The following MAU2 variants were observed in gnomAD, a reference collection of about 807,000 sequenced individuals.
MAU2 encodes the protein MAU2 chromatid cohesion factor homolog.
MAU2 carries 9 observed loss-of-function variants against 89.1 expected under a neutral mutation model. The ratio of observed to expected loss-of-function variants is 0.10; its 90% confidence interval spans 0.06 to 0.18. The LOEUF is 0.18. Ranked by LOEUF, MAU2 falls within the 10% of genes least tolerant of loss-of-function variation. The probability of loss-of-function intolerance (pLI) is 1.00; values close to 1 mark genes in which losing one functional copy is unlikely to be tolerated. For synonymous variants in MAU2, 357 were observed against 343.4 expected (o/e 1.04, Z -0.44); for missense variants, 425 against 803.5 (o/e 0.53, Z 5.69).
Position 19,355,380 on chromosome 19 carries a change from A to C in MAU2, c.1756A>C (p.Asn586His). 6.2e-7 allele frequency: 1 copy of C among 1,613,942 alleles called. No homozygotes were observed. The highest frequency in any genetic ancestry group is 8.5e-7 in the Non-Finnish European group (1 of 1,179,950). The change falls in exon 18 of 19, where the codon AAC (asparagine) becomes CAC (histidine). Residue 586 changes from asparagine (N) to histidine (H), a missense_variant. Physicochemically the swap from Asn to His is moderately conservative, Grantham distance 68. This residue lies in a region of MAU2 where 42 missense variants were observed against 42.4 expected (regional missense o/e 0.99). Transcript: ENST00000262815. The stretch of plus-strand genomic sequence containing the variant: ...TGAGGCCTGCAGCCTCCCCGAACAC[A>C]ACCTCATCACGGTACGGGTGTGGGT... ...HIEACSLPEHNLITWTDGPPP... is the reference protein window; with the variant it reads ...HIEACSLPEHHLITWTDGPPP...
chr19:19,326,093 C>T lies in MAU2; in HGVS notation c.276+4958C>T, dbSNP rs959549241. Among the ~76,000 whole-genome samples, 5 of 151,198 alleles carry T rather than the reference C, an allele frequency of 3.3e-5. No homozygotes were observed. The South Asian group carries it at 6.3e-4, about 19-fold the overall frequency. On this transcript the variant is annotated intron_variant, in intron 1 of 18. Transcript: ENST00000262815. ...TCAAATCATTGTAACCTCCGCCCTCCGGGTTCAAGCGATCCTCCCACCTCA... is the reference window on the plus strand; with the variant it reads ...TCAAATCATTGTAACCTCCGCCCTCTGGGTTCAAGCGATCCTCCCACCTCA...
chr19:19,348,693 G>A (rs1361836957), intron 13 of MAU2, 196 bp from the exon 14 acceptor site: 7 of 676,968 alleles, frequency 1.0e-5, no homozygotes, highest in Non-Finnish European at 1.6e-5. Context: ...GCACAGGCAG[G>A]GCTGGCTGAG....
rs758772268 is a variant in MAU2 at position 19,344,878 on chromosome 19, G to T, written c.1107G>T (p.Gln369His). Residue 369 changes from glutamine (Q) to histidine (H), a missense_variant, in exon 11 of 19, where the codon CAG becomes CAT. This residue lies in a region of MAU2 where 39 missense variants were observed against 56.3 expected (regional missense o/e 0.69). Transcript: ENST00000262815. ...CCCAGGTCTGCCAGCTGTGCCAGCA[G>T]TCCCCCCGGCTCTTCTCCAACCATG... ...EISQVCQLCQ[Q>H]SPRLFSNHAA... 1 of 1,613,770 alleles carries T rather than the reference G, an allele frequency of 6.2e-7. No homozygotes were observed. Among genetic ancestry groups the T allele is most frequent in the Middle Eastern group, 1.6e-4 (1 of 6,062 alleles).
At chr19:19,353,720 GC>G (rs2037422270) in intron 16 of MAU2, 2 of 157,600 alleles carry the variant, frequency 1.3e-5, no homozygotes. Flanking sequence ...TGTAGCACAG[GC>G]TCCTGTCTGC....
At chr19:19,354,711 A>G in intron 17 of MAU2, 2 of 513,044 alleles carry the variant, frequency 3.9e-6, no homozygotes, top group East Asian at 6.6e-5. Context: ...TTGGGCTGTT[A>G]GCCGTGGCGC....
intron 4 of MAU2, among the ~76,000 whole-genome samples, chr19:19,338,279 G>A (rs969569762): frequency 6.6e-6 from 1 of 152,240 alleles, no homozygotes; most frequent in Non-Finnish European, 1.5e-5. Context: ...AGCAGACAAA[G>A]GAGCAGGCCA....
At chr19:19,339,906 C>G (rs548693980) in intron 5 of MAU2, among the ~76,000 whole-genome samples, 1 of 151,998 alleles carries the variant, frequency 6.6e-6, no homozygotes, top group Admixed American at 6.5e-5. Context: ...CAGTGGCTCA[C>G]ACCTGTAATC....
chr19:19,321,253 C>A, intron 1 of MAU2, 118 bp downstream of exon 1: 1 of 1,229,824 alleles, frequency 8.1e-7, no homozygotes, highest in Non-Finnish European at 1.1e-6. Flanking sequence ...GCGCGACCTC[C>A]GTCAAAGCCG....
At chr19:19,339,003 C>T (rs926679153) in intron 5 of MAU2, 64 bp downstream of exon 5, 4 of 1,314,340 alleles carry the variant, frequency 3.0e-6, no homozygotes. Flanking sequence ...CCATCTTGGT[C>T]CAGGACAAAT....
intron 1 of MAU2, among the ~76,000 whole-genome samples, chr19:19,321,343 A>G (rs551038568): frequency 6.6e-6 from 1 of 152,146 alleles, no homozygotes; most frequent in East Asian, 1.9e-4. Context: ...CCCACGCCTT[A>G]TTTCCCGTTT....
At chr19:19,344,800 C>T (rs1423334653) in intron 10 of MAU2, 49 bp from the exon 11 acceptor site, 27 of 1,511,870 alleles carry the variant, frequency 1.8e-5, no homozygotes, top group Non-Finnish European at 2.1e-5. Context: ...GCTCAGACGC[C>T]AGGTCCCAGG....
At chr19:19,338,988 C>A in intron 5 of MAU2, 49 bp downstream of exon 5, 1 of 1,400,924 alleles carries the variant, frequency 7.1e-7, no homozygotes, top group Non-Finnish European at 9.9e-7. Context: ...ACAGGAGGGG[C>A]TTGGCCATCT....
rs2048152027 is a variant in MAU2, at chr19:19,354,261, A to G, written c.1549-94A>G. 1.5e-5 allele frequency: 13 copies of G among 887,852 alleles called. No individual in the cohort carries two copies. In the South Asian group the frequency reaches 1.8e-4, roughly 12 times the overall value. 55.0% of individuals were successfully genotyped at this position (887,852 alleles called of 1,614,324 possible). A position where few individuals can be genotyped will look rare whatever the true frequency, so the allele number is the denominator to read the frequency against. On this transcript the variant is annotated intron_variant, in intron 16 of 18. Coordinates refer to ENST00000262815, the MANE Select transcript of MAU2 (RefSeq NM_015329.4). ...GGTCACAACCTGGGCTGGGTTCAGT[A>G]GGTGGGTTCCAGATTATCCCCACCC...
intron 1 of MAU2, chr19:19,329,219 T>A (rs770207066): frequency 6.0e-5 from 26 of 434,894 alleles, no homozygotes; most frequent in Non-Finnish European, 1.2e-4. Context: ...CCGTGTCCCA[T>A]CTGCAGGGAG....
In MAU2 at chr19:19,356,036, G is replaced by A. The variant is rs1050418946; in HGVS notation, c.*254G>A. 2 of 636,524 alleles carry A rather than the reference G, an allele frequency of 3.1e-6. No individual in the cohort carries two copies. The highest frequency in any genetic ancestry group is 5.8e-6 in the Non-Finnish European group (2 of 342,630). The allele number at this position is 636,524 out of a possible 1,614,324, so 39.4% of individuals were successfully genotyped here. A position where few individuals can be genotyped will look rare whatever the true frequency, so the allele number is the denominator to read the frequency against. Reference sequence around the variant, plus strand: ...TCTCTCCAGAGCCATCCTTCAGAGTGGACCTCAGTGCCAGTCCTGCCTCAG... The same window carrying A: ...TCTCTCCAGAGCCATCCTTCAGAGTAGACCTCAGTGCCAGTCCTGCCTCAG... On this transcript the variant is annotated 3_prime_UTR_variant, in exon 19 of 19. Transcript: ENST00000262815.
At chr19:19,355,045 G>C (rs2048161638) in intron 17 of MAU2, 1 of 537,740 alleles carries the variant, frequency 1.9e-6, no homozygotes, top group Admixed American at 3.1e-5. Flanking sequence ...GCCTGGCATT[G>C]GGCTTTCACT....
intron 1 of MAU2, among the ~76,000 whole-genome samples, chr19:19,328,362 G>A (rs2061528497): frequency 6.6e-6 from 1 of 150,620 alleles, no homozygotes; most frequent in African/African-American, 2.4e-5. Context: ...ATCCATCTTG[G>A]TCATTTGGAC....
At position 19,345,899 on chromosome 19, in the gene MAU2, G is replaced by A. The variant is rs1027218979; in HGVS notation, c.1221+530G>A. Among the ~76,000 whole-genome samples the A allele has an allele frequency of 3.9e-5, 6 of 152,148 alleles. No individual in the cohort carries two copies. Among genetic ancestry groups the A allele is most frequent in the African/African-American group, 7.2e-5 (3 of 41,428 alleles). On this transcript the variant is annotated intron_variant, in intron 12 of 18. Transcript: ENST00000262815. This position sits in a 1 kb window ranked among gnomAD's most constrained non-coding sequence, Gnocchi z 4.9. ...GGCTGGTGCCACATCCTCACGGAGC[G>A]CCCCAGCCCAGGGCTGGACCATTGT...
chr19:19,347,402 T>G, intron 13 of MAU2, 36 bp downstream of exon 13: 1 of 1,525,128 alleles, frequency 6.6e-7, no homozygotes, highest in Non-Finnish European at 9.1e-7. Flanking sequence ...ATCCTTTCTC[T>G]CTGTTCTCTT....
Sources: allele counts gnomAD v4.1 joint callset (sites outside exome capture counted in the v4.1 genomes callset), GRCh38; gene constraint gnomAD v4.1.1; regional missense constraint gnomAD v4.1.1; non-coding constraint Gnocchi (gnomAD v3.1); transcripts MANE v1.5; gene names NCBI Gene and HGNC (gene_info 2026-07-23, HGNC 2026-07-21).